Variants in GASK1A observed in about 807,000 individuals in gnomAD.
The protein encoded by GASK1A is Golgi-associated kinase 1A.
In GASK1A, 40 loss-of-function variants were observed where a neutral mutation model predicts 41.2. That is an observed-to-expected ratio of 0.97 (90% confidence interval 0.75 to 1.27). The LOEUF (loss-of-function observed/expected upper bound fraction) is 1.27. Among genes scored for constraint, GASK1A ranks in the 50% most tolerant of loss-of-function variants. The pLI is 0.00. For synonymous variants in GASK1A, 316 were observed against 307.1 expected, an observed-to-expected ratio of 1.03 and a Z score of -0.30; for missense variants, 678 against 745.1, an observed-to-expected ratio of 0.91 and a Z score of 1.05.
At chr3:43,055,595 A>C in intron 4 of GASK1A, 60 bp downstream of exon 4, 1 of 1,232,310 alleles carries the variant, frequency 8.1e-7, no homozygotes, top group East Asian at 2.5e-5. Flanking sequence ...GCCTTGCTGC[A>C]AACCTTGGGA....
At chr3:43,006,663 A>G (rs2089437587) in intron 1 of GASK1A, among the ~76,000 whole-genome samples, 2 of 152,144 alleles carry the variant, frequency 1.3e-5, no homozygotes, top group East Asian at 1.9e-4. Context: ...AAGCTTTACA[A>G]TGATGTGCCT....
At position 43,053,544 on chromosome 3, in the gene GASK1A, C is replaced by T. The variant is rs1352409372; in HGVS notation, c.1314C>T (p.Tyr438=). ...AGGTCCACGACCGCTTGGATCGCTA[C>T]TGCTGTGGCTTCGAGCCTGAGCCCT... ...LLQVHDRLDR[Y]CCGFEPEPSD... The change falls in exon 3 of 5, where the codon TAC becomes TAT. Residue 438 remains tyrosine (Y), a synonymous_variant. Transcript: ENST00000430121. 5.2e-6 allele frequency: 8 copies of T among 1,551,210 alleles called. No individual in the cohort carries two copies. In the Admixed American group the frequency reaches 9.8e-5, roughly 19 times the overall value.
intron 1 of GASK1A, among the ~76,000 whole-genome samples, chr3:42,992,629 G>A (rs2089347078): frequency 6.6e-6 from 1 of 152,168 alleles, no homozygotes; most frequent in African/African-American, 2.4e-5. Flanking sequence ...GCCAAAGAGG[G>A]GCTGCCTTTG....
rs2089588871 is a variant in GASK1A, at chr3:43,033,310, C to T, written c.1047C>T (p.Arg349=). The T allele has an allele frequency of 1.3e-6, 2 of 1,551,148 alleles. No homozygotes were observed. Among genetic ancestry groups the T allele is most frequent in the African/African-American group, 2.7e-5 (2 of 73,056 alleles). The change falls in exon 2 of 5, where the codon CGC becomes CGT. Residue 349 remains arginine (R), a synonymous_variant. Coordinates refer to ENST00000430121, the MANE Select transcript of GASK1A (RefSeq NM_001129908.3). Reference sequence around the variant, plus strand: ...GCCGGAGCCTACCTGCTGTGGCCCGCCGCTTCCATAGCCCCCTCCTGCCCT... The same window carrying T: ...GCCGGAGCCTACCTGCTGTGGCCCGTCGCTTCCATAGCCCCCTCCTGCCCT... ...GLRRSLPAVA[R]RFHSPLLPYR...
At chr3:43,011,380 C>CAA (rs55954875) in intron 1 of GASK1A, among the ~76,000 whole-genome samples, 918 of 87,064 alleles carry the variant, frequency 0.011, 16 homozygotes, top group African/African-American at 0.037. Flanking sequence ...GACTCCATCT[C>CAA]AAAAAAAAAA....
intron 2 of GASK1A, among the ~76,000 whole-genome samples, chr3:43,043,549 C>T (rs576456939): frequency 4.0e-4 from 61 of 152,330 alleles, no homozygotes; most frequent in Non-Finnish European, 6.9e-4. Flanking sequence ...GACTGGATCA[C>T]ATTACTCAGC....
intron 4 of GASK1A, 24 bp from the exon 5 acceptor site, chr3:43,056,152 G>T (rs1383535007): frequency 1.3e-6 from 2 of 1,517,426 alleles, no homozygotes; most frequent in Non-Finnish European, 1.8e-6. Flanking sequence ...TTTCTGTTAC[G>T]GGGCTCTGGG....
chr3:42,995,710 G>A (rs550003391), intron 1 of GASK1A, among the ~76,000 whole-genome samples: 3 of 152,302 alleles, frequency 2.0e-5, no homozygotes, highest in Admixed American at 6.5e-5. Context: ...GAGGAGACAT[G>A]CACAGGGAAG....
chr3:43,015,614 C>T (rs1440413641), intron 1 of GASK1A, among the ~76,000 whole-genome samples: 3 of 120,492 alleles, frequency 2.5e-5, no homozygotes, highest in African/African-American at 6.5e-5. Flanking sequence ...TCACAGGAAG[C>T]GGGTGTGTGA....
chr3:43,037,586 C>A, intron 2 of GASK1A: 1 of 305,648 alleles, frequency 3.3e-6, no homozygotes, highest in Non-Finnish European at 6.0e-6. Context: ...ATTCAGATCC[C>A]TCTTTGATAT....
chr3:42,991,637 G>A (rs1233908118), intron 1 of GASK1A, among the ~76,000 whole-genome samples: 1 of 152,244 alleles, frequency 6.6e-6, no homozygotes, highest in East Asian at 1.9e-4. Context: ...GGGGGCTGCG[G>A]TCATGCTGCC....
At chr3:43,040,835 A>T in intron 2 of GASK1A, among the ~76,000 whole-genome samples, 1 of 144,786 alleles carries the variant, frequency 6.9e-6, no homozygotes. Flanking sequence ...GCACCCACTA[A>T]CTTGTCATCT....
chr3:43,050,501 T>C (rs564001356), intron 2 of GASK1A, among the ~76,000 whole-genome samples: 115 of 151,736 alleles, frequency 7.6e-4, no homozygotes, highest in African/African-American at 2.7e-3. Context: ...TGTAGGTCTC[T>C]TTCAGTTTAT....
At chr3:43,014,442 T>TGTGA (rs1426547751) in intron 1 of GASK1A, among the ~76,000 whole-genome samples, 2 of 151,210 alleles carry the variant, frequency 1.3e-5, no homozygotes, top group African/African-American at 4.9e-5. Flanking sequence ...GAAGGGGCAG[T>TGTGA]GTGACGTCAC....
rs2089718201 is a variant in GASK1A, at chr3:43,056,713, A to AG, written c.*329dup. ...ACTTTGTGTGTGTGTAGAGGTGTGT[A>AG]GGTGTGGGTGGCATGTGTGCCCGCC... On this transcript the variant is annotated 3_prime_UTR_variant, in exon 5 of 5. Transcript: ENST00000430121. 1 of 216,038 alleles carries AG rather than the reference A, an allele frequency of 4.6e-6. No individual in the cohort carries two copies. The highest frequency in any genetic ancestry group is 1.2e-4 in the South Asian group (1 of 8,412). 13.4% of individuals were successfully genotyped at this position (216,038 alleles called of 1,614,324 possible). A position where few individuals can be genotyped will look rare whatever the true frequency, so the allele number is the denominator to read the frequency against.
intron 1 of GASK1A, among the ~76,000 whole-genome samples, chr3:43,011,106 A>G (rs1220973151): frequency 2.6e-5 from 4 of 152,198 alleles, no homozygotes; most frequent in Non-Finnish European, 4.4e-5. Flanking sequence ...GAAATGGGCC[A>G]GGCATGGTGA....
At chr3:43,022,083 G>A (rs1351527689) in intron 1 of GASK1A, among the ~76,000 whole-genome samples, 3 of 152,278 alleles carry the variant, frequency 2.0e-5, no homozygotes, top group African/African-American at 7.2e-5. Context: ...GCCGCCCCCC[G>A]GCATGTCTGC....
chr3:43,019,331 CA>C (rs1214500653), intron 1 of GASK1A, among the ~76,000 whole-genome samples: 3 of 152,100 alleles, frequency 2.0e-5, no homozygotes, highest in African/African-American at 7.2e-5. Flanking sequence ...CACAGTGGAG[CA>C]AACAGCCCAG....
chr3:43,050,832 T>C (rs540697910), intron 2 of GASK1A, among the ~76,000 whole-genome samples: 15 of 152,200 alleles, frequency 9.9e-5, no homozygotes, highest in Non-Finnish European at 2.2e-4. Flanking sequence ...GTTGTTGTAC[T>C]TTTCAACTCC....
Sources: allele counts gnomAD v4.1 joint callset (sites outside exome capture counted in the v4.1 genomes callset), GRCh38; gene constraint gnomAD v4.1.1; transcripts MANE v1.5; gene names NCBI Gene and HGNC (gene_info 2026-07-23, HGNC 2026-07-21).